The following COQ6 variants were observed in gnomAD, a reference collection of about 807,000 sequenced individuals.
COQ6 encodes the protein ubiquinone biosynthesis monooxygenase COQ6, mitochondrial.
Under a neutral mutation model 55.5 loss-of-function variants are expected in COQ6, and 45 were observed. The observed-to-expected ratio is 0.81, with a 90% CI of 0.64 to 1.04. The LOEUF (loss-of-function observed/expected upper bound fraction) is 1.04. Among genes scored for constraint, COQ6 ranks in the 50% least tolerant of loss-of-function variants. The probability of loss-of-function intolerance (pLI) is 0.00; values close to 1 mark genes in which losing one functional copy is unlikely to be tolerated. For missense variants in COQ6, 550 were observed against 601.3 expected (o/e 0.91, Z 0.89); for synonymous variants, 206 against 230.5 (o/e 0.89, Z 0.96).
At chr14:73,960,239 A>C (rs10873263) in intron 8 of COQ6, 393,458 of 986,460 alleles carry the variant, frequency 0.4, 82,446 homozygotes, top group Non-Finnish European at 0.43. Context: ...GTGGGTTCAA[A>C]ATGTAAATAG....
chr14:73,958,629 A>C, intron 5 of COQ6: 3 of 1,289,446 alleles, frequency 2.3e-6, no homozygotes, highest in Non-Finnish European at 3.0e-6. Context: ...CCCTTTTTGC[A>C]TGGTAGCCAT....
Position 73,963,142 on chromosome 14 carries a change from T to C in COQ6, c.*143T>C, listed in dbSNP as rs941901702. 14 of 761,978 alleles carry C rather than the reference T, an allele frequency of 1.8e-5. No homozygotes were observed. The highest frequency in any genetic ancestry group is 2.8e-5 in the Non-Finnish European group (12 of 433,584). 47.2% of individuals were successfully genotyped at this position (761,978 alleles called of 1,614,324 possible). ...CTTTTTCTTCTTTGCTTAATGGGCC[T>C]GTGGCACCCAAATAATGAATGATAA... On this transcript the variant is annotated 3_prime_UTR_variant, in exon 12 of 12. Transcript: ENST00000334571.
upstream of COQ6, chr14:73,949,943 T>C (rs116578534): frequency 4.3e-6 from 7 of 1,611,776 alleles, no homozygotes; most frequent in Non-Finnish European, 5.9e-6. Context: ...GGGATTCCTT[T>C]CCCGGGGGCA....
At chr14:73,958,347 G>T in intron 5 of COQ6, 70 bp downstream of exon 5, 1 of 1,609,468 alleles carries the variant, frequency 6.2e-7, no homozygotes, top group Non-Finnish European at 8.5e-7. Flanking sequence ...TAGGGACTCT[G>T]GTTTTCGATT....
intron 11 of COQ6, 116 bp from the exon 12 acceptor site, chr14:73,962,854 T>C (rs941849366): frequency 1.1e-6 from 1 of 895,826 alleles, no homozygotes; most frequent in East Asian, 2.5e-5. Flanking sequence ...TTTCTTTTTT[T>C]AGCTGAAATA....
At chr14:73,953,693 A>AG (rs948344271) in intron 2 of COQ6, 124 bp downstream of exon 2, 9 of 1,259,024 alleles carry the variant, frequency 7.1e-6, no homozygotes, top group Admixed American at 1.8e-5. Context: ...GGGTGGAGAG[A>AG]GGGGGTGGGA....
chr14:73,957,122 G>T lies in COQ6; in HGVS notation c.482-1025G>T, dbSNP rs553918831. Among the ~76,000 whole-genome samples the T allele has an allele frequency of 9.7e-4, 147 of 150,940 alleles. 1 individual carries two copies. Among genetic ancestry groups the T allele is most frequent in the Non-Finnish European group, 1.5e-3 (103 of 67,850 alleles). The stretch of plus-strand genomic sequence containing the variant: ...TATTATTTTTTTTTTTTTGGAGATG[G>T]AGTCTCGCTCTGTCGCCCAGGCTGG... On this transcript the variant is annotated intron_variant, in intron 4 of 11. Transcript: ENST00000334571.
Position 73,955,486 on chromosome 14 carries a change from T to TAA in COQ6, c.335_336insAA (p.Tyr112Ter). The TAA allele has an allele frequency of 6.2e-7, 1 of 1,614,172 alleles. No individual in the cohort carries two copies. Among genetic ancestry groups the TAA allele is most frequent in the Non-Finnish European group, 8.5e-7 (1 of 1,180,006 alleles). Residue 112 changes from tyrosine to a stop codon, truncating the protein, a stop_gained and frameshift_variant, in exon 3 of 12, where the codon TAC (tyrosine) becomes TAAAC (stop). Transcript: ENST00000334571. LOFTEE classifies it high-confidence loss of function. Reference sequence around the variant, plus strand: ...CTGGGACCATATCTGCAACATGAGATACAGAGCCTTTCGGCGAATGCAGGT... The same window carrying TAA: ...CTGGGACCATATCTGCAACATGAGATAAACAGAGCCTTTCGGCGAATGCAGGT... ...GAWDHICNMR[Y>*]RAFRRMQVWD...
intron 3 of COQ6, 146 bp from the exon 4 acceptor site, chr14:73,955,659 A>T: frequency 7.1e-7 from 1 of 1,399,102 alleles, no homozygotes; most frequent in Non-Finnish European, 1.0e-6. Context: ...TTCCCAGGAG[A>T]ATTTTCTTCT....
intron 1 of COQ6, 69 bp downstream of exon 1, chr14:73,950,564 C>G: frequency 6.5e-7 from 1 of 1,527,086 alleles, no homozygotes; most frequent in Non-Finnish European, 8.8e-7. Flanking sequence ...GCCGTGAGAG[C>G]CCTAGCACGA....
intron 5 of COQ6, 59 bp downstream of exon 5, chr14:73,958,336 C>A: frequency 6.2e-7 from 1 of 1,610,996 alleles, no homozygotes; most frequent in South Asian, 1.1e-5. Flanking sequence ...ATCCTAGATT[C>A]TAGGGACTCT....
At chr14:73,950,271 T>C (rs767302005), upstream of COQ6, 227 of 1,539,258 alleles carry the variant, frequency 1.5e-4, 2 homozygotes, top group Middle Eastern at 2.5e-3. Flanking sequence ...AGTGCTCTGC[T>C]CCGGACGCAC....
Position 73,950,446 on chromosome 14 carries a change from G to A in COQ6, c.114G>A (p.Val38=). The part of the protein sequence containing the change: ...SGASTDTVYD[V]VVSGGGLVGA... ...CCTCAACAGACACCGTGTATGACGT[G>A]GTGGTGTCGGGTGGAGGCCTGGTGG... Residue 38 remains valine (V), a synonymous_variant, in exon 1 of 12, where the codon GTG becomes GTA. Transcript: ENST00000334571. 1 of 1,609,494 alleles carries A rather than the reference G, an allele frequency of 6.2e-7. No homozygotes were observed. The highest frequency in any genetic ancestry group is 1.1e-5 in the South Asian group (1 of 90,068).
intron 1 of COQ6, 109 bp downstream of exon 1, chr14:73,950,604 C>CGA: frequency 1.4e-6 from 2 of 1,447,130 alleles, no homozygotes; most frequent in Non-Finnish European, 1.8e-6. Flanking sequence ...TCAGGTCTCG[C>CGA]GACGCTTCTC....
chr14:73,960,534 T>C (rs759759330), intron 8 of COQ6: 1 of 1,002,168 alleles, frequency 1.0e-6, no homozygotes, highest in South Asian at 4.2e-5. Context: ...AACACTACCC[T>C]ACTCTGGGCC....
rs2056833406 is a variant in COQ6, at chr14:73,963,185, A to C, written c.*186A>C. 1.5e-6 allele frequency: 1 copy of C among 658,226 alleles called. No homozygotes were observed. The highest frequency in any genetic ancestry group is 1.8e-5 in the African/African-American group (1 of 54,572). 40.8% of individuals were successfully genotyped at this position (658,226 alleles called of 1,614,324 possible). A position where few individuals can be genotyped will look rare whatever the true frequency, so the allele number is the denominator to read the frequency against. On this transcript the variant is annotated 3_prime_UTR_variant, in exon 12 of 12. Transcript: ENST00000334571. ...AATGATAATTTGCTGTGAGGAGCGT[A>C]TATTAGCCAGACCAAAGGAAAAAAC... is the stretch of plus-strand genomic sequence containing the variant.
chr14:73,952,437 TTC>T (rs1168145277), intron 1 of COQ6, among the ~76,000 whole-genome samples: 1 of 151,966 alleles, frequency 6.6e-6, no homozygotes, highest in African/African-American at 2.4e-5. Context: ...TTCTTTTCTT[TTC>T]TTTTTTGTAG....
chr14:73,959,556 G>A (rs764377490), intron 8 of COQ6, 34 bp downstream of exon 8: 3 of 1,613,830 alleles, frequency 1.9e-6, no homozygotes, highest in Admixed American at 1.7e-5. Flanking sequence ...ATGATGTGCT[G>A]CAGGGGGAGA....
chr14:73,963,262 A>G lies in COQ6; in HGVS notation c.*263A>G. On this transcript the variant is annotated 3_prime_UTR_variant, in exon 12 of 12. Transcript: ENST00000334571. ...GAAAAGAGCTTTTTATTACTAAAAAACCCACAAGGTGCTGTCTCACTCATT... is the reference window on the plus strand; with the variant it reads ...GAAAAGAGCTTTTTATTACTAAAAAGCCCACAAGGTGCTGTCTCACTCATT... 1.8e-6 allele frequency: 1 copy of G among 561,644 alleles called. No homozygotes were observed. 34.8% of individuals were successfully genotyped at this position (561,644 alleles called of 1,614,324 possible).
Sources: allele counts gnomAD v4.1 joint callset (sites outside exome capture counted in the v4.1 genomes callset), GRCh38; gene constraint gnomAD v4.1.1; transcripts MANE v1.5; gene names NCBI Gene and HGNC (gene_info 2026-07-23, HGNC 2026-07-21).